GPC6: variants seen among roughly 807,000 people sequenced by gnomAD.
The protein encoded by GPC6 is glypican 6.
In GPC6, 14 loss-of-function variants were observed where a neutral mutation model predicts 55.2. The ratio of observed to expected loss-of-function variants is 0.25; its 90% CI spans 0.17 to 0.40. The LOEUF is 0.40. Among genes scored for constraint, GPC6 ranks in the 10% least tolerant of loss-of-function variants. The pLI is 1.00. For missense variants in GPC6, 641 were observed against 708.5 expected (o/e 0.90, Z 1.08); for synonymous variants, 278 against 259.6 (o/e 1.07, Z -0.68).
At chr13:94,011,172 A>T (rs1490867892) in intron 3 of GPC6, among the ~76,000 whole-genome samples, 1 of 152,130 alleles carries the variant, frequency 6.6e-6, no homozygotes. Flanking sequence ...AAATTTTAGC[A>T]AAGTTGGAGG....
chr13:93,979,821 G>T (rs1052904765), intron 3 of GPC6, among the ~76,000 whole-genome samples: 1 of 151,996 alleles, frequency 6.6e-6, no homozygotes, highest in Non-Finnish European at 1.5e-5. Flanking sequence ...GAAATCAGAG[G>T]CCAAAATTAT....
chr13:93,442,482 T>A (rs1877842238), intron 1 of GPC6, among the ~76,000 whole-genome samples: 1 of 152,168 alleles, frequency 6.6e-6, no homozygotes, highest in Admixed American at 6.6e-5. Context: ...TATATACAAT[T>A]TTATATCATC....
chr13:93,972,099 G>A (rs1023144253), intron 3 of GPC6, among the ~76,000 whole-genome samples: 1 of 152,162 alleles, frequency 6.6e-6, no homozygotes, highest in African/African-American at 2.4e-5. Flanking sequence ...GCCTACAAAT[G>A]AAGCCACAAA....
At chr13:94,337,686 G>A (rs1338649665) in intron 6 of GPC6, among the ~76,000 whole-genome samples, 38 of 152,148 alleles carry the variant, frequency 2.5e-4, no homozygotes, top group Admixed American at 2.4e-3. Context: ...GACCTCAAGT[G>A]ATCTACCTGT....
chr13:94,173,217 C>T (rs1888632262), intron 4 of GPC6, among the ~76,000 whole-genome samples: 1 of 152,066 alleles, frequency 6.6e-6, no homozygotes, highest in South Asian at 2.1e-4. Flanking sequence ...TGGCTGGGGA[C>T]TTGAAACTAC....
intron 3 of GPC6, among the ~76,000 whole-genome samples, chr13:93,913,279 C>T (rs1345749303): frequency 6.6e-6 from 1 of 152,136 alleles, no homozygotes; most frequent in African/African-American, 2.4e-5. Context: ...AGGAATGTGC[C>T]GGAAGATGGT....
At chr13:93,486,072 G>T (rs191137372) in intron 1 of GPC6, among the ~76,000 whole-genome samples, 1 of 152,140 alleles carries the variant, frequency 6.6e-6, no homozygotes, top group Admixed American at 6.6e-5. Flanking sequence ...GAAAATTGTT[G>T]CATGAATGTG....
chr13:94,244,860 T>C (rs1891151839), intron 4 of GPC6, among the ~76,000 whole-genome samples: 5 of 151,850 alleles, frequency 3.3e-5, no homozygotes, highest in Non-Finnish European at 7.4e-5. Flanking sequence ...TTTGTAGGAG[T>C]CTTGCAAGTC....
intron 3 of GPC6, among the ~76,000 whole-genome samples, chr13:93,952,572 G>A (rs959439573): frequency 2.0e-5 from 3 of 151,728 alleles, no homozygotes; most frequent in East Asian, 1.9e-4. Flanking sequence ...GCATTAGCTT[G>A]CATTCAAACA....
chr13:94,001,524 T>C (rs1295925166), intron 3 of GPC6, among the ~76,000 whole-genome samples: 3 of 152,170 alleles, frequency 2.0e-5, no homozygotes, highest in African/African-American at 4.8e-5. Flanking sequence ...CTTATTGATA[T>C]TGTGCATAGA....
intron 5 of GPC6, 140 bp from the exon 6 acceptor site, chr13:94,305,840 T>C: frequency 1.2e-6 from 1 of 810,426 alleles, no homozygotes; most frequent in Non-Finnish European, 2.2e-6. Context: ...GTTATACTTG[T>C]TTACATTTCA....
intron 3 of GPC6, among the ~76,000 whole-genome samples, chr13:93,979,320 T>TA: frequency 7.2e-6 from 1 of 139,220 alleles, no homozygotes; most frequent in Non-Finnish European, 1.6e-5. Context: ...TGTGTGTGTT[T>TA]GTGTGTGTTT....
intron 4 of GPC6, among the ~76,000 whole-genome samples, chr13:94,055,181 C>T (rs542238562): frequency 2.0e-5 from 3 of 152,278 alleles, no homozygotes; most frequent in South Asian, 4.1e-4. Context: ...CAGCGAAGAC[C>T]CTGAGGGAGC....
rs570971660 is a variant in GPC6, at chr13:93,672,799, T to C, written c.319+127378T>C. On this transcript the variant is annotated intron_variant, in intron 2 of 8. Transcript: ENST00000377047. Reference sequence around the variant, plus strand: ...ATATATCAGATAGTAATATCAGTTATTGTATTTGACTAAAAGTGCACCATA... The same window carrying C: ...ATATATCAGATAGTAATATCAGTTACTGTATTTGACTAAAAGTGCACCATA... Among the ~76,000 whole-genome samples the C allele has an allele frequency of 3.9e-5, 6 of 152,132 alleles. No individual in the cohort carries two copies. The South Asian group carries it at 1.2e-3, about 32-fold the overall frequency.
intron 2 of GPC6, among the ~76,000 whole-genome samples, chr13:93,779,530 C>T (rs1203506250): frequency 1.3e-5 from 2 of 152,178 alleles, no homozygotes; most frequent in African/African-American, 4.8e-5. Context: ...CAACTAGTTG[C>T]TGGGTGGCGT....
At chr13:93,676,737 GCT>G (rs1199001589) in intron 2 of GPC6, among the ~76,000 whole-genome samples, 1 of 152,132 alleles carries the variant, frequency 6.6e-6, no homozygotes, top group Non-Finnish European at 1.5e-5. Context: ...AAATCTACCT[GCT>G]CTCTGAATTT....
At chr13:93,623,455 C>CTTTTTTTTT (rs567830011) in intron 2 of GPC6, among the ~76,000 whole-genome samples, 19 of 116,164 alleles carry the variant, frequency 1.6e-4, no homozygotes, top group East Asian at 4.8e-4. Flanking sequence ...CTTTTCTTTT[C>CTTTTTTTTT]TTTTTTTTTT....
At chr13:94,342,367 A>C (rs1878083294) in intron 6 of GPC6, among the ~76,000 whole-genome samples, 1 of 152,146 alleles carries the variant, frequency 6.6e-6, no homozygotes, top group Admixed American at 6.5e-5. Flanking sequence ...TGGCTTCCTA[A>C]TAAGAAGGGA....
intron 2 of GPC6, among the ~76,000 whole-genome samples, chr13:93,713,299 T>C (rs1442504064): frequency 2.0e-5 from 3 of 151,076 alleles, no homozygotes; most frequent in Non-Finnish European, 4.4e-5. Context: ...AGAAAGGAGA[T>C]AACATAAAAG....
Sources: gnomAD v4.1 joint callset for allele counts (sites outside exome capture counted in the v4.1 genomes callset) on GRCh38, gnomAD v4.1.1 for gene constraint, MANE v1.5 for transcripts, NCBI Gene and HGNC (gene_info 2026-07-23, HGNC 2026-07-21) for gene names.